The following SPATA6 variants were observed in gnomAD, a reference collection of about 807,000 sequenced individuals.
SPATA6 encodes the protein spermatogenesis associated 6, also known as spermatogenesis-associated protein 6.
In SPATA6, 56 loss-of-function variants were observed where a neutral mutation model predicts 65.3. The observed-to-expected ratio is 0.86, with a 90% CI of 0.69 to 1.07. The LOEUF is 1.07. Ranked by LOEUF, SPATA6 falls within the 50% of genes least tolerant of loss-of-function variation. The pLI is 0.00. For missense variants in SPATA6, 590 were observed against 594.8 expected, an observed-to-expected ratio of 0.99 and a Z score of 0.08; for synonymous variants, 199 against 213.2, an observed-to-expected ratio of 0.93 and a Z score of 0.58.
At position 48,356,755 on chromosome 1, in the gene SPATA6, G is replaced by T. The variant is rs1313364354; in HGVS notation, c.1095-986C>A. Among the ~76,000 whole-genome samples the T allele has an allele frequency of 2.6e-5, 4 of 151,844 alleles. No homozygotes were observed. The East Asian group carries it at 7.8e-4, about 29-fold the overall frequency. On this transcript the variant is annotated intron_variant, in intron 10 of 12. Transcript: ENST00000371847. The stretch of plus-strand genomic sequence containing the variant: ...GCTGACCTCGTGATCCGCCCACCTT[G>T]GCCTCCCAAAGTGCTGGGATTACAG...
At chr1:48,462,015 T>TA (rs2148188291) in intron 1 of SPATA6, among the ~76,000 whole-genome samples, 1 of 152,288 alleles carries the variant, frequency 6.6e-6, no homozygotes, top group East Asian at 1.9e-4. Context: ...TATGCAGCCA[T>TA]AAAAAATGAT....
intron 8 of SPATA6, 106 bp from the exon 9 acceptor site, chr1:48,385,455 G>A: frequency 1.0e-6 from 1 of 972,420 alleles, no homozygotes; most frequent in Non-Finnish European, 1.5e-6. Context: ...ATATTTCAGA[G>A]ATACTTCAAA....
At chr1:48,380,169 A>C (rs1191592694) in intron 9 of SPATA6, among the ~76,000 whole-genome samples, 1 of 152,248 alleles carries the variant, frequency 6.6e-6, no homozygotes, top group Non-Finnish European at 1.5e-5. Context: ...ACTTTTCTAG[A>C]AAATGTTCTG....
At chr1:48,467,771 C>T (rs1341899055) in intron 1 of SPATA6, among the ~76,000 whole-genome samples, 1 of 151,994 alleles carries the variant, frequency 6.6e-6, no homozygotes, top group East Asian at 1.9e-4. Context: ...CTCAAATGGC[C>T]AACAGGTGTA....
intron 9 of SPATA6, among the ~76,000 whole-genome samples, chr1:48,381,845 G>A (rs1444696641): frequency 3.4e-5 from 5 of 145,238 alleles, no homozygotes; most frequent in Admixed American, 2.0e-4. Context: ...AGGACCCTGC[G>A]GCCTTGGCCT....
At chr1:48,367,449 C>G (rs1188020726) in intron 9 of SPATA6, among the ~76,000 whole-genome samples, 1 of 152,160 alleles carries the variant, frequency 6.6e-6, no homozygotes, top group Non-Finnish European at 1.5e-5. Context: ...TTGTAGGTCA[C>G]TCAGGACTTG....
intron 3 of SPATA6, among the ~76,000 whole-genome samples, chr1:48,434,255 G>GAAAAAAAAAAAAAAAAAAAA (rs1491260601): frequency 3.0e-5 from 1 of 33,436 alleles, no homozygotes; most frequent in African/African-American, 7.7e-5. Flanking sequence ...ATACAGCAGT[G>GAAAAAAAAAAAAAAAAAAAA]AAAGAAAAAA....
At chr1:48,327,529 A>G (rs947492836) in intron 11 of SPATA6, among the ~76,000 whole-genome samples, 1 of 152,206 alleles carries the variant, frequency 6.6e-6, no homozygotes, top group African/African-American at 2.4e-5. Flanking sequence ...AATTACATTA[A>G]AAAGGCATCT....
intron 9 of SPATA6, among the ~76,000 whole-genome samples, chr1:48,380,765 T>C (rs1648471792): frequency 6.6e-6 from 1 of 152,116 alleles, no homozygotes; most frequent in South Asian, 2.1e-4. Flanking sequence ...TGTGTATGTG[T>C]TTGCATAAAT....
At position 48,371,885 on chromosome 1, in the gene SPATA6, G is replaced by A. The variant is rs146509500; in HGVS notation, c.910-12115C>T. 5.8e-3 allele frequency among the ~76,000 whole-genome samples: 879 copies of A among 152,062 alleles called. 8 individuals carry two copies. The highest frequency in any genetic ancestry group is 0.02 in the African/African-American group (820 of 41,364). The stretch of plus-strand genomic sequence containing the variant: ...GGAAGAAGCAAAAGCAGAAACCCCT[G>A]ATAAACCCAACAGATCTCATGACAC... On this transcript the variant is annotated intron_variant, in intron 9 of 12. Transcript: ENST00000371847.
At chr1:48,438,266 G>A (rs1655131067) in intron 3 of SPATA6, among the ~76,000 whole-genome samples, 1 of 152,144 alleles carries the variant, frequency 6.6e-6, no homozygotes, top group Non-Finnish European at 1.5e-5. Flanking sequence ...ACACATCTTG[G>A]CAACCACAAA....
Position 48,337,517 on chromosome 1 carries a change from TAACAA to T in SPATA6, c.1194+18148_1194+18152del, listed in dbSNP as rs374798834. On this transcript the variant is annotated intron_variant, in intron 11 of 12. Transcript: ENST00000371847. ...TTGATACTATTTTAGAAACCCTAAA[TAACAA>T]AACAAGAAAAATAAATAAAATGCAT... Among the ~76,000 whole-genome samples, 68 of 151,662 alleles carry T rather than the reference TAACAA, an allele frequency of 4.5e-4. No homozygotes were observed. The East Asian group carries it at 0.012, about 28-fold the overall frequency.
At chr1:48,392,825 T>G (rs1047111904) in intron 8 of SPATA6, among the ~76,000 whole-genome samples, 1 of 151,916 alleles carries the variant, frequency 6.6e-6, no homozygotes. Flanking sequence ...GTGTAAGAGA[T>G]CCTACCATAA....
intron 8 of SPATA6, among the ~76,000 whole-genome samples, chr1:48,387,980 A>G (rs1432884177): frequency 6.6e-6 from 1 of 152,194 alleles, no homozygotes; most frequent in Non-Finnish European, 1.5e-5. Context: ...TGCCTGGCCC[A>G]TGATGGCTAC....
intron 1 of SPATA6, 94 bp downstream of exon 1, chr1:48,471,864 T>C: frequency 3.6e-6 from 5 of 1,394,282 alleles, no homozygotes; most frequent in Non-Finnish European, 5.0e-6. Flanking sequence ...ATTCGGAGGG[T>C]GAAGGAGGTT....
chr1:48,410,916 T>C (rs1300902484), intron 5 of SPATA6, among the ~76,000 whole-genome samples: 4 of 152,246 alleles, frequency 2.6e-5, no homozygotes, highest in Admixed American at 6.5e-5. Flanking sequence ...TCACATGGTA[T>C]AGCAGCATAT....
chr1:48,276,743 A>G, the SPATA6 span, among the ~76,000 whole-genome samples: 1 of 152,184 alleles, frequency 6.6e-6, no homozygotes, highest in African/African-American at 2.4e-5. Context: ...GGAGTGTTTT[A>G]CTTCCAATTA....
chr1:48,417,177 T>C (rs371448240), intron 3 of SPATA6, among the ~76,000 whole-genome samples: 2 of 152,140 alleles, frequency 1.3e-5, no homozygotes, highest in African/African-American at 2.4e-5. Context: ...TTAAAGACAA[T>C]GCAAACACAA....
In SPATA6 at chr1:48,321,782, CT is replaced by C. The variant is rs1332797404; in HGVS notation, c.1195-15905del. On this transcript the variant is annotated intron_variant, in intron 11 of 12. Transcript: ENST00000371847. ...TCATATGTCAGGCCCCAAAACAAGT[CT>C]TAAAAAGTTGAAATTATATCATGTG... Among the ~76,000 whole-genome samples the C allele has an allele frequency of 2.6e-5, 4 of 152,020 alleles. No homozygotes were observed. In the East Asian group the frequency reaches 7.7e-4, roughly 29 times the overall value.
Sources: gnomAD v4.1 joint callset for allele counts (sites outside exome capture counted in the v4.1 genomes callset) on GRCh38, gnomAD v4.1.1 for gene constraint, MANE v1.5 for transcripts, NCBI Gene and HGNC (gene_info 2026-07-23, HGNC 2026-07-21) for gene names.